The following CFAP54 variants were observed in gnomAD, a reference collection of about 807,000 sequenced individuals.
CFAP54 encodes cilia- and flagella-associated protein 54.
In CFAP54, 290 loss-of-function variants were observed where a neutral mutation model predicts 370.4. The ratio of observed to expected loss-of-function variants is 0.78; its 90% CI spans 0.71 to 0.86. CFAP54 has a LOEUF of 0.86. CFAP54 is among the 40% of genes least tolerant of loss of function. The pLI is 0.00. For synonymous variants in CFAP54, 1,206 were observed against 1,236.5 expected, an observed-to-expected ratio of 0.98 and a Z score of 0.52; for missense variants, 3,399 against 3,528.7, an observed-to-expected ratio of 0.96 and a Z score of 0.93.
chr12:96,758,060 C>T (rs1250978298), intron 58 of CFAP54, among the ~76,000 whole-genome samples: 1 of 152,112 alleles, frequency 6.6e-6, no homozygotes, highest in Non-Finnish European at 1.5e-5. Flanking sequence ...TGAGCATCTA[C>T]TATGATCCAG....
At chr12:96,611,970 G>T (rs1030304763) in intron 26 of CFAP54, among the ~76,000 whole-genome samples, 6 of 152,206 alleles carry the variant, frequency 3.9e-5, no homozygotes, top group Admixed American at 3.3e-4. Flanking sequence ...AAAACACTCT[G>T]CAGGATATTA....
Position 96,817,848 on chromosome 12 carries a change from A to G in CFAP54, c.9031A>G (p.Ile3011Val). Reference sequence around the variant, plus strand: ...ACTATCATTGCCAGCAGCTCCTGAAATTACCTCAAATGAAAACATATATGA... The same window carrying G: ...ACTATCATTGCCAGCAGCTCCTGAAGTTACCTCAAATGAAAACATATATGA... ...AELSLPAAPE[I>V]TSNENIYEVE... Residue 3011 changes from isoleucine (I) to valine (V), a missense_variant, in exon 65 of 68, where the codon ATT becomes GTT. Physicochemically the swap from Ile to Val is conservative, Grantham distance 29. Coordinates refer to ENST00000524981, the MANE Select transcript of CFAP54 (RefSeq NM_001306084.2). 1 of 1,518,342 alleles carries G rather than the reference A, an allele frequency of 6.6e-7. No homozygotes were observed. The highest frequency in any genetic ancestry group is 1.4e-5 in the African/African-American group (1 of 72,630). 94.1% of individuals were successfully genotyped at this position (1,518,342 alleles called of 1,614,324 possible). A position where few individuals can be genotyped will look rare whatever the true frequency, so the allele number is the denominator to read the frequency against.
At chr12:96,701,127 T>C (rs151059638) in intron 46 of CFAP54, among the ~76,000 whole-genome samples, 2 of 152,266 alleles carry the variant, frequency 1.3e-5, no homozygotes, top group Non-Finnish European at 2.9e-5. Context: ...ATTGGATACA[T>C]GTATGTGCAT....
chr12:96,792,578 G>A (rs1958714012), intron 63 of CFAP54, 79 bp downstream of exon 63: 7 of 1,100,148 alleles, frequency 6.4e-6, no homozygotes, highest in African/African-American at 1.6e-5. Flanking sequence ...GGAGAGTAGA[G>A]GACATTCTCT....
intron 22 of CFAP54, among the ~76,000 whole-genome samples, chr12:96,586,594 A>C (rs1354000232): frequency 6.6e-6 from 1 of 152,190 alleles, no homozygotes; most frequent in Non-Finnish European, 1.5e-5. Flanking sequence ...TAAGGTTTTC[A>C]GAAGTGTACC....
At chr12:96,669,751 G>A (rs1315977479) in intron 39 of CFAP54, among the ~76,000 whole-genome samples, 3 of 152,200 alleles carry the variant, frequency 2.0e-5, no homozygotes, top group South Asian at 4.1e-4. Flanking sequence ...ATGACAATGA[G>A]TAGAGCTATC....
chr12:96,836,236 AG>A (rs1959185831), intron 66 of CFAP54, among the ~76,000 whole-genome samples: 1 of 152,200 alleles, frequency 6.6e-6, no homozygotes, highest in African/African-American at 2.4e-5. Flanking sequence ...CAGCGGGCTG[AG>A]GGAATGGTCT....
chr12:96,693,560 C>T (rs540413374), intron 44 of CFAP54, among the ~76,000 whole-genome samples, 162 bp from the exon 45 acceptor site: 35 of 152,278 alleles, frequency 2.3e-4, no homozygotes, highest in African/African-American at 7.5e-4. Flanking sequence ...GAAGCATGTG[C>T]TAGATAGATT....
chr12:96,776,366 T>G (rs1290104806), intron 60 of CFAP54, among the ~76,000 whole-genome samples: 1 of 151,998 alleles, frequency 6.6e-6, no homozygotes. Flanking sequence ...ACAGTTCTAT[T>G]AGAAATTAAA....
chr12:96,706,819 C>CGT (rs1166737806), intron 47 of CFAP54, among the ~76,000 whole-genome samples: 1 of 151,490 alleles, frequency 6.6e-6, no homozygotes, highest in East Asian at 1.9e-4. Flanking sequence ...TGTGTGCGCA[C>CGT]GTGTGTGTGT....
At chr12:96,792,587 C>A in intron 63 of CFAP54, 88 bp downstream of exon 63, 2 of 996,890 alleles carry the variant, frequency 2.0e-6, no homozygotes, top group South Asian at 2.0e-5. Flanking sequence ...AGGACATTCT[C>A]TTATCATATA....
chr12:96,498,047 A>G (rs563933449), intron 1 of CFAP54, among the ~76,000 whole-genome samples: 8 of 152,350 alleles, frequency 5.3e-5, no homozygotes, highest in Non-Finnish European at 7.3e-5. Context: ...TTTTCTGGCA[A>G]CAAACTGATC....
At chr12:96,735,446 A>C (rs1423871999) in intron 50 of CFAP54, among the ~76,000 whole-genome samples, 1 of 152,220 alleles carries the variant, frequency 6.6e-6, no homozygotes, top group Non-Finnish European at 1.5e-5. Flanking sequence ...CAGAGGCTTA[A>C]GGAACTACTC....
chr12:96,778,759 A>G (rs984293091), intron 60 of CFAP54, among the ~76,000 whole-genome samples: 2 of 152,136 alleles, frequency 1.3e-5, no homozygotes, highest in Non-Finnish European at 2.9e-5. Context: ...GTCACCACAA[A>G]ATTGTTTTTT....
intron 38 of CFAP54, among the ~76,000 whole-genome samples, chr12:96,659,100 G>T (rs1956959383): frequency 6.6e-6 from 1 of 152,112 alleles, no homozygotes; most frequent in African/African-American, 2.4e-5. Context: ...GCTCACTGCA[G>T]CCTCCGCCTC....
chr12:96,670,467 A>G (rs1957131305), intron 39 of CFAP54, among the ~76,000 whole-genome samples: 1 of 152,216 alleles, frequency 6.6e-6, no homozygotes, highest in Admixed American at 6.5e-5. Flanking sequence ...TGAAAGTGAC[A>G]CAGGTCATGT....
chr12:96,730,663 T>C (rs1957910463), intron 50 of CFAP54, among the ~76,000 whole-genome samples: 1 of 152,188 alleles, frequency 6.6e-6, no homozygotes, highest in African/African-American at 2.4e-5. Flanking sequence ...TAAACCCCAT[T>C]CAAATTGAAA....
chr12:96,581,379 A>G (rs1956031037), intron 22 of CFAP54, among the ~76,000 whole-genome samples: 1 of 152,184 alleles, frequency 6.6e-6, no homozygotes, highest in Admixed American at 6.6e-5. Flanking sequence ...AAATGCATAA[A>G]GAAGAAAATA....
At chr12:96,653,983 A>C (rs375261014) in intron 36 of CFAP54, among the ~76,000 whole-genome samples, 22 of 152,308 alleles carry the variant, frequency 1.4e-4, no homozygotes, top group African/African-American at 5.1e-4. Context: ...TTTGTTAATA[A>C]GTTTGATCAC....
Sources: gnomAD v4.1 joint callset for allele counts (sites outside exome capture counted in the v4.1 genomes callset) on GRCh38, gnomAD v4.1.1 for gene constraint, MANE v1.5 for transcripts, NCBI Gene and HGNC (gene_info 2026-07-23, HGNC 2026-07-21) for gene names.